Variants in ARHGAP24 observed in about 807,000 individuals in gnomAD.
The protein encoded by ARHGAP24 is Rho GTPase activating protein 24.
ARHGAP24 carries 50 observed loss-of-function variants against 76.4 expected under a neutral mutation model. The observed-to-expected ratio is 0.65, with a 90% CI of 0.52 to 0.83. The LOEUF (loss-of-function observed/expected upper bound fraction) is 0.83. Among genes scored for constraint, ARHGAP24 ranks in the 40% least tolerant of loss-of-function variants. The pLI is 0.00. For missense variants in ARHGAP24, 930 were observed against 914.2 expected (o/e 1.02, Z -0.22); for synonymous variants, 345 against 323.3 (o/e 1.07, Z -0.72).
intron 3 of ARHGAP24, among the ~76,000 whole-genome samples, chr4:85,899,159 C>T (rs1010127294): frequency 7.2e-5 from 11 of 152,042 alleles, no homozygotes; most frequent in Non-Finnish European, 1.5e-4. Context: ...GTAATGTCTT[C>T]AAGGTAAAAA....
intron 3 of ARHGAP24, among the ~76,000 whole-genome samples, chr4:85,913,403 C>A (rs1735194242): frequency 1.3e-5 from 2 of 151,800 alleles, no homozygotes; most frequent in South Asian, 4.2e-4. Flanking sequence ...ACACACTTTT[C>A]ATCTTATTTG....
At chr4:85,641,195 C>CA (rs1440789996) in intron 2 of ARHGAP24, among the ~76,000 whole-genome samples, 2 of 152,144 alleles carry the variant, frequency 1.3e-5, no homozygotes, top group Non-Finnish European at 2.9e-5. Flanking sequence ...CTCCTGGTAT[C>CA]AAATGATCCT....
In ARHGAP24 at chr4:85,800,936, C is replaced by G. The variant is rs190678326; in HGVS notation, c.268+78964C>G. Among the ~76,000 whole-genome samples the G allele has an allele frequency of 5.1e-3, 778 of 152,222 alleles. 4 individuals carry two copies. Among genetic ancestry groups the G allele is most frequent in the Non-Finnish European group, 7.8e-3 (530 of 68,004 alleles). The stretch of plus-strand genomic sequence containing the variant: ...AAAAAGATCATTCATATTAAGAAAT[C>G]ATTCAAATTAAAGCGTCCTTTTTTA... On this transcript the variant is annotated intron_variant, in intron 3 of 9. Coordinates refer to ENST00000395184, the MANE Select transcript of ARHGAP24 (RefSeq NM_001025616.3).
intron 2 of ARHGAP24, among the ~76,000 whole-genome samples, chr4:85,573,910 T>C (rs1236953376): frequency 6.6e-6 from 1 of 152,208 alleles, no homozygotes; most frequent in Non-Finnish European, 1.5e-5. Flanking sequence ...TAGTCAGAGG[T>C]ATTTCTTGCT....
intron 1 of ARHGAP24, 99 bp from the exon 2 acceptor site, chr4:85,570,396 TTCTTTCTTTCTTTCTTTCTTTCCTCTC>T: frequency 9.1e-6 from 2 of 219,270 alleles, no homozygotes; most frequent in Non-Finnish European, 1.3e-5. Flanking sequence ...CTTTCTTTCT[TTCTTTCTTTCTTTCTTTCTTTCCTCTC>T]TCTCTCTCTT....
At chr4:85,548,506 C>G (rs1726003756) in intron 1 of ARHGAP24, among the ~76,000 whole-genome samples, 1 of 152,180 alleles carries the variant, frequency 6.6e-6, no homozygotes, top group Non-Finnish European at 1.5e-5. Flanking sequence ...ATTTGTAACT[C>G]TTTTCCAAAA....
intron 2 of ARHGAP24, among the ~76,000 whole-genome samples, chr4:85,706,305 A>C (rs929700990): frequency 1.8e-4 from 27 of 152,194 alleles, no homozygotes; most frequent in African/African-American, 5.8e-4. Flanking sequence ...ATAAAAATAC[A>C]TTTTGCTTAT....
chr4:85,938,145 G>T (rs1465403478), intron 4 of ARHGAP24, among the ~76,000 whole-genome samples: 1 of 152,158 alleles, frequency 6.6e-6, no homozygotes, highest in Non-Finnish European at 1.5e-5. Flanking sequence ...AAATTCACCT[G>T]TGTGATTTAC....
chr4:85,898,033 GTATATATATA>G (rs61576453), intron 3 of ARHGAP24, among the ~76,000 whole-genome samples: 31 of 134,620 alleles, frequency 2.3e-4, no homozygotes, highest in Middle Eastern at 3.9e-3. Context: ...ACATATATGT[GTATATATATA>G]TATATATATA....
At chr4:85,549,952 C>G (rs1219752020) in intron 1 of ARHGAP24, among the ~76,000 whole-genome samples, 1 of 152,162 alleles carries the variant, frequency 6.6e-6, no homozygotes, top group East Asian at 1.9e-4. Context: ...TTTATGGCTA[C>G]ATAGTATTCC....
intron 4 of ARHGAP24, among the ~76,000 whole-genome samples, chr4:85,924,026 T>G (rs1335789671): frequency 6.6e-6 from 1 of 152,160 alleles, no homozygotes. Flanking sequence ...TTTTTTAGTT[T>G]TGGATTTTCC....
chr4:85,785,753 G>C (rs1727808878), intron 3 of ARHGAP24, among the ~76,000 whole-genome samples: 1 of 152,086 alleles, frequency 6.6e-6, no homozygotes, highest in Non-Finnish European at 1.5e-5. Flanking sequence ...CAGTGCCGTT[G>C]TCAAATTTAA....
intron 2 of ARHGAP24, among the ~76,000 whole-genome samples, chr4:85,624,487 C>T (rs1157326955): frequency 6.6e-6 from 1 of 152,108 alleles, no homozygotes; most frequent in Non-Finnish European, 1.5e-5. Flanking sequence ...ATTCGGTTTG[C>T]CAGTATTTTA....
At chr4:85,702,652 A>T (rs1241960106) in intron 2 of ARHGAP24, among the ~76,000 whole-genome samples, 1 of 152,194 alleles carries the variant, frequency 6.6e-6, no homozygotes, top group East Asian at 1.9e-4. Flanking sequence ...GAAATACAAG[A>T]AACAAAAGTA....
intron 1 of ARHGAP24, among the ~76,000 whole-genome samples, chr4:85,521,790 A>C (rs1724766965): frequency 6.6e-6 from 1 of 152,180 alleles, no homozygotes; most frequent in Admixed American, 6.6e-5. Context: ...ACAGTCTCAT[A>C]GGAAACGTCA....
intron 2 of ARHGAP24, among the ~76,000 whole-genome samples, chr4:85,672,922 A>G (rs1366461109): frequency 6.6e-6 from 1 of 152,160 alleles, no homozygotes; most frequent in African/African-American, 2.4e-5. Flanking sequence ...ATAGCACCCT[A>G]TCTTTAACAA....
intron 2 of ARHGAP24, among the ~76,000 whole-genome samples, chr4:85,702,790 T>C (rs986937173): frequency 1.3e-5 from 2 of 152,138 alleles, no homozygotes; most frequent in Non-Finnish European, 2.9e-5. Flanking sequence ...ATTTACAGCA[T>C]CATTTGTACT....
chr4:85,884,421 AG>A (rs1274703611), intron 3 of ARHGAP24, among the ~76,000 whole-genome samples: 22 of 152,154 alleles, frequency 1.4e-4, no homozygotes, highest in Non-Finnish European at 4.4e-5. Flanking sequence ...TGAGGGGACA[AG>A]GGGGTGTGAT....
chr4:85,584,840 A>G (rs1727780679), intron 2 of ARHGAP24, among the ~76,000 whole-genome samples: 1 of 152,124 alleles, frequency 6.6e-6, no homozygotes, highest in Admixed American at 6.6e-5. Context: ...GAAGAACCCT[A>G]TCCTCTTTGA....
Sources: allele counts gnomAD v4.1 joint callset (sites outside exome capture counted in the v4.1 genomes callset), GRCh38; gene constraint gnomAD v4.1.1; transcripts MANE v1.5; gene names NCBI Gene and HGNC (gene_info 2026-07-23, HGNC 2026-07-21).